Variants in SMAD9 observed in about 807,000 individuals in gnomAD.
SMAD9 encodes MAD homolog 9.
In SMAD9, 36 loss-of-function variants were observed where a neutral mutation model predicts 46.1. The observed-to-expected ratio is 0.78, with a 90% confidence interval of 0.60 to 1.03. SMAD9 has a LOEUF of 1.03. Ranked by LOEUF, SMAD9 falls within the 50% of genes least tolerant of loss-of-function variation. The pLI, the probability that SMAD9 is intolerant of heterozygous loss-of-function variation, is 0.00. For missense variants in SMAD9, 572 were observed against 599.8 expected (o/e 0.95, Z 0.48); for synonymous variants, 245 against 237.1 (o/e 1.03, Z -0.31).
intron 6 of SMAD9, among the ~76,000 whole-genome samples, chr13:36,853,015 G>A (rs1326431078): frequency 2.0e-5 from 3 of 152,196 alleles, no homozygotes; most frequent in Non-Finnish European, 4.4e-5. Flanking sequence ...GGCTGGGCGC[G>A]GTGGCTCACG....
Position 36,914,232 on chromosome 13 carries a change from C to T in SMAD9, c.-187+5884G>A, listed in dbSNP as rs370985595. 9.2e-5 allele frequency among the ~76,000 whole-genome samples: 14 copies of T among 152,276 alleles called. No homozygotes were observed. The South Asian group carries it at 2.1e-3, about 23-fold the overall frequency. On this transcript the variant is annotated intron_variant, in intron 1 of 6. Coordinates refer to ENST00000379826, the MANE Select transcript of SMAD9 (RefSeq NM_001127217.3). The stretch of plus-strand genomic sequence containing the variant: ...ACTGCCCAAGCCTTAAAATGACTTA[C>T]TCTCGGGCCAGGCGCGGTGGATCAC...
chr13:36,871,299 C>A lies in SMAD9; in HGVS notation c.670+1359G>T, dbSNP rs555213610. Among the ~76,000 whole-genome samples, 307 of 152,264 alleles carry A rather than the reference C, an allele frequency of 2.0e-3. 2 individuals are homozygous for A. The highest frequency in any genetic ancestry group is 6.7e-3 in the African/African-American group (279 of 41,560). On this transcript the variant is annotated intron_variant, in intron 3 of 6. Coordinates refer to ENST00000379826, the MANE Select transcript of SMAD9 (RefSeq NM_001127217.3). The stretch of plus-strand genomic sequence containing the variant: ...TTGGGAGGCCGAGGTGGGCAGATCA[C>A]CTGAGGTCAGGAGTTCGAGACCAGC...
intron 5 of SMAD9, among the ~76,000 whole-genome samples, chr13:36,855,079 A>C (rs1265475775): frequency 6.6e-6 from 1 of 152,038 alleles, no homozygotes; most frequent in East Asian, 1.9e-4. Context: ...CAGGAGCTCA[A>C]GTCTGGCCTG....
chr13:36,900,770 T>C (rs1034619821), intron 1 of SMAD9, among the ~76,000 whole-genome samples: 1 of 151,016 alleles, frequency 6.6e-6, no homozygotes, highest in African/African-American at 2.4e-5. Flanking sequence ...ATTATTAAAG[T>C]GAAATGCACG....
intron 5 of SMAD9, among the ~76,000 whole-genome samples, chr13:36,857,807 G>A (rs1593554912): frequency 6.6e-6 from 1 of 152,134 alleles, no homozygotes; most frequent in South Asian, 2.1e-4. Context: ...AGAAGATGCA[G>A]AAGCCTCTCC....
intron 1 of SMAD9, among the ~76,000 whole-genome samples, chr13:36,906,322 C>A (rs531613878): frequency 6.6e-6 from 1 of 151,630 alleles, no homozygotes; most frequent in Admixed American, 6.6e-5. Context: ...TTTATATGAC[C>A]GTATGTTATG....
intron 2 of SMAD9, among the ~76,000 whole-genome samples, chr13:36,876,159 T>C (rs2058343668): frequency 6.6e-6 from 1 of 150,836 alleles, no homozygotes; most frequent in African/African-American, 2.5e-5. Flanking sequence ...CACCATGCTA[T>C]CTTTACATCT....
At chr13:36,915,276 T>C (rs1039308351) in intron 1 of SMAD9, among the ~76,000 whole-genome samples, 3 of 152,198 alleles carry the variant, frequency 2.0e-5, no homozygotes, top group East Asian at 1.9e-4. Context: ...TGTTCAGTGA[T>C]AGAAAACTGG....
Position 36,860,084 on chromosome 13 carries a change from C to T in SMAD9, c.1003+5453G>A, listed in dbSNP as rs559540010. On this transcript the variant is annotated intron_variant, in intron 5 of 6. Coordinates refer to ENST00000379826, the MANE Select transcript of SMAD9 (RefSeq NM_001127217.3). Reference sequence around the variant, plus strand: ...CCTTTCCTTTCTTAATAAACTTGCCCTCACTTTACTCTATGGATTTGCCTT... The same window carrying T: ...CCTTTCCTTTCTTAATAAACTTGCCTTCACTTTACTCTATGGATTTGCCTT... Among the ~76,000 whole-genome samples the T allele has an allele frequency of 3.6e-3, 552 of 152,276 alleles. 2 individuals are homozygous for T. Among genetic ancestry groups the T allele is most frequent in the Non-Finnish European group, 5.7e-3 (390 of 68,008 alleles).
At chr13:36,857,333 T>C (rs1268199636) in intron 5 of SMAD9, among the ~76,000 whole-genome samples, 1 of 152,156 alleles carries the variant, frequency 6.6e-6, no homozygotes. Context: ...CAATAAGGAA[T>C]AAATGCCCCA....
intron 1 of SMAD9, among the ~76,000 whole-genome samples, chr13:36,905,765 AC>A (rs1171414826): frequency 8.6e-6 from 1 of 116,334 alleles, no homozygotes; most frequent in African/African-American, 3.3e-5. Flanking sequence ...AAAGGGCAAG[AC>A]CCTGTCTCAA....
At chr13:36,863,672 C>T (rs1308422168) in intron 5 of SMAD9, among the ~76,000 whole-genome samples, 1 of 152,022 alleles carries the variant, frequency 6.6e-6, no homozygotes, top group African/African-American at 2.4e-5. Context: ...CTATTAGTTC[C>T]TGCCAGATCA....
intron 5 of SMAD9, among the ~76,000 whole-genome samples, chr13:36,864,098 T>G (rs1342655830): frequency 2.6e-5 from 4 of 152,232 alleles, no homozygotes; most frequent in Admixed American, 2.6e-4. Context: ...TGTTAATGTT[T>G]TGCCTTGAGA....
intron 1 of SMAD9, among the ~76,000 whole-genome samples, chr13:36,899,823 A>G (rs937718496): frequency 3.3e-5 from 5 of 152,202 alleles, no homozygotes; most frequent in Admixed American, 6.5e-5. Context: ...TTGAATTATT[A>G]AAGTAGCCTT....
chr13:36,887,903 G>A lies in SMAD9; in HGVS notation c.-186-8028C>T, dbSNP rs588959. On this transcript the variant is annotated intron_variant, in intron 1 of 6. Coordinates refer to ENST00000379826, the MANE Select transcript of SMAD9 (RefSeq NM_001127217.3). ...AGTTAGTGAGACAGGCAGCAGGAGG[G>A]GTGACAGATTTGAGGAGCAAGGAAA... is the stretch of plus-strand genomic sequence containing the variant. Among the ~76,000 whole-genome samples the A allele has an allele frequency of 4.6e-3, 699 of 152,188 alleles. 6 individuals are homozygous for A. The highest frequency in any genetic ancestry group is 0.016 in the African/African-American group (677 of 41,528).
chr13:36,851,437 T>C (rs2058074012), intron 6 of SMAD9, among the ~76,000 whole-genome samples: 1 of 152,206 alleles, frequency 6.6e-6, no homozygotes, highest in African/African-American at 2.4e-5. Context: ...ACTGCCCCCG[T>C]GCTCCAATTC....
intron 2 of SMAD9, among the ~76,000 whole-genome samples, chr13:36,873,632 G>A (rs1467363493): frequency 1.3e-5 from 2 of 152,172 alleles, no homozygotes. Context: ...AGAGGCCGAG[G>A]CAGCCAGATC....
intron 6 of SMAD9, chr13:36,851,728 TAA>T: frequency 1.0e-6 from 1 of 962,092 alleles, no homozygotes; most frequent in Non-Finnish European, 1.2e-6. Flanking sequence ...TCTCAAATGT[TAA>T]AAAAAAATGA....
Position 36,847,784 on chromosome 13 carries a change from T to A in SMAD9, c.*892A>T, listed in dbSNP as rs746900887. 1.7e-4 allele frequency: 26 copies of A among 152,208 alleles called. No homozygotes were observed. Among genetic ancestry groups the A allele is most frequent in the Admixed American group, 1.6e-3 (25 of 15,276 alleles). 9.4% of individuals were successfully genotyped at this position (152,208 alleles called of 1,614,324 possible). ...TCTCCAACCTTTGGTTTCACCTGCTTCTTGACACAGGACTGAAACACAAGC... is the reference window on the plus strand; with the variant it reads ...TCTCCAACCTTTGGTTTCACCTGCTACTTGACACAGGACTGAAACACAAGC... On this transcript the variant is annotated 3_prime_UTR_variant, in exon 7 of 7. Coordinates refer to ENST00000379826, the MANE Select transcript of SMAD9 (RefSeq NM_001127217.3).
Sources: allele counts gnomAD v4.1 joint callset (sites outside exome capture counted in the v4.1 genomes callset), GRCh38; gene constraint gnomAD v4.1.1; transcripts MANE v1.5; gene names NCBI Gene and HGNC (gene_info 2026-07-23, HGNC 2026-07-21).